Variants in DLC1 observed in about 807,000 individuals in gnomAD.
DLC1 encodes rho GTPase-activating protein 7.
DLC1 carries 54 observed loss-of-function variants against 140.3 expected under a neutral mutation model. The ratio of observed to expected loss-of-function variants is 0.38; its 90% CI spans 0.31 to 0.48. The LOEUF is 0.48. Among genes scored for constraint, DLC1 ranks in the 20% least tolerant of loss-of-function variants. The probability of loss-of-function intolerance (pLI) is 0.96; values close to 1 mark genes in which losing one functional copy is unlikely to be tolerated. For missense variants in DLC1, 2,536 were observed against 1,907.0 expected (o/e 1.33, Z -6.14); for synonymous variants, 986 against 728.1 (o/e 1.35, Z -5.70).
intron 5 of DLC1, chr8:13,276,324 C>G: frequency 1.3e-6 from 2 of 1,532,864 alleles, no homozygotes; most frequent in South Asian, 2.4e-5. Context: ...CGTGGAGTCC[C>G]TGATGTGATC....
At chr8:13,539,088 T>C (rs1397572227) in intron 1 of DLC1, among the ~76,000 whole-genome samples, 1 of 152,232 alleles carries the variant, frequency 6.6e-6, no homozygotes, top group Non-Finnish European at 1.5e-5. Flanking sequence ...TAATTTCACA[T>C]TCTCCTATCA....
At chr8:13,348,251 T>C (rs1314773091) in intron 4 of DLC1, among the ~76,000 whole-genome samples, 2 of 152,056 alleles carry the variant, frequency 1.3e-5, no homozygotes, top group Non-Finnish European at 2.9e-5. Context: ...GTAATATGTG[T>C]GTGGTTGAAG....
Position 13,116,116 on chromosome 8 carries a change from C to A in DLC1, c.1349-459G>T, listed in dbSNP as rs1012881896. On this transcript the variant is annotated intron_variant, in intron 5 of 17. Coordinates refer to ENST00000276297, the MANE Select transcript of DLC1 (RefSeq NM_182643.3). ...GTAAAGTCACAGGCTTTCTGACACC[C>A]AGGGGTTGGGTGTTTCAAAAGCCCC... 1.4e-5 allele frequency: 14 copies of A among 982,974 alleles called. No individual in the cohort carries two copies. The African/African-American group carries it at 2.1e-4, about 15-fold the overall frequency. 60.9% of individuals were successfully genotyped at this position (982,974 alleles called of 1,614,324 possible).
At position 13,595,055 on chromosome 8, in the gene DLC1, G is replaced by A. The variant is rs190991701; in HGVS notation, c.-126+9482C>T. Among the ~76,000 whole-genome samples the A allele has an allele frequency of 1.1e-4, 17 of 151,724 alleles. No homozygotes were observed. The South Asian group carries it at 1.7e-3, about 15-fold the overall frequency. ...AGTGGACTAGCCTGGATCACACACC[G>A]CAGTTTTCTCTTCAGATCGCCAGAG... On this transcript the variant is annotated intron_variant, in intron 1 of 1. Transcript: ENST00000631382.
chr8:13,552,012 T>C (rs1049129260), intron 1 of DLC1, among the ~76,000 whole-genome samples: 1 of 142,972 alleles, frequency 7.0e-6, no homozygotes, highest in Non-Finnish European at 1.5e-5. Context: ...TGCATATATA[T>C]GTGTGTGTAT....
chr8:13,257,420 G>C (rs1323446519), intron 5 of DLC1, among the ~76,000 whole-genome samples: 2 of 129,334 alleles, frequency 1.5e-5, no homozygotes, highest in Non-Finnish European at 3.1e-5. Flanking sequence ...CTGGGTGACA[G>C]AGCAATACCC....
intron 5 of DLC1, among the ~76,000 whole-genome samples, chr8:13,210,138 T>C (rs1827869343): frequency 6.6e-6 from 1 of 152,256 alleles, no homozygotes; most frequent in Middle Eastern, 3.4e-3. Context: ...ATAGAAAAAA[T>C]TGGAAACTTG....
At chr8:13,265,657 T>TA (rs1830655478) in intron 5 of DLC1, among the ~76,000 whole-genome samples, 1 of 151,608 alleles carries the variant, frequency 6.6e-6, no homozygotes, top group Non-Finnish European at 1.5e-5. Flanking sequence ...AGGCTGTGGG[T>TA]TTTTTTTCCT....
At chr8:13,157,471 A>G (rs201178727) in intron 5 of DLC1, among the ~76,000 whole-genome samples, 3 of 152,112 alleles carry the variant, frequency 2.0e-5, no homozygotes, top group Admixed American at 6.5e-5. Context: ...GAACAAAAAA[A>G]GGCAGTGATT....
chr8:13,169,553 A>C (rs1198013655), intron 5 of DLC1, among the ~76,000 whole-genome samples: 1 of 152,168 alleles, frequency 6.6e-6, no homozygotes, highest in Non-Finnish European at 1.5e-5. Context: ...GGGGGTACTT[A>C]GGTTTCAGTT....
chr8:13,588,068 G>C (rs1805391246), intron 1 of DLC1, among the ~76,000 whole-genome samples: 3 of 152,070 alleles, frequency 2.0e-5, no homozygotes, highest in African/African-American at 4.8e-5. Context: ...GGTTTTAAAA[G>C]TCAGACAGTC....
At chr8:13,526,689 G>C (rs1033992102) in intron 1 of DLC1, among the ~76,000 whole-genome samples, 4 of 151,832 alleles carry the variant, frequency 2.6e-5, no homozygotes, top group African/African-American at 4.8e-5. Context: ...GCCAAACACC[G>C]CATGTTCTCA....
At chr8:13,386,309 G>T (rs889742940) in intron 4 of DLC1, among the ~76,000 whole-genome samples, 1 of 151,804 alleles carries the variant, frequency 6.6e-6, no homozygotes, top group African/African-American at 2.4e-5. Flanking sequence ...TATGAATTCT[G>T]CTCCAGATAC....
intron 5 of DLC1, among the ~76,000 whole-genome samples, chr8:13,271,019 C>A (rs532589889): frequency 2.0e-5 from 3 of 152,314 alleles, no homozygotes; most frequent in Non-Finnish European, 4.4e-5. Context: ...CAGCCACAGG[C>A]AGCCTGAGGT....
chr8:13,386,058 T>A (rs1836507657), intron 4 of DLC1, among the ~76,000 whole-genome samples: 1 of 152,192 alleles, frequency 6.6e-6, no homozygotes, highest in Admixed American at 6.5e-5. Context: ...TGCCCAGAAG[T>A]AACTGGCAGT....
intron 1 of DLC1, among the ~76,000 whole-genome samples, chr8:13,579,587 A>C: frequency 7.6e-6 from 1 of 132,004 alleles, no homozygotes; most frequent in Non-Finnish European, 1.6e-5. Context: ...ATTATATTTT[A>C]TATTATATAT....
intron 2 of DLC1, among the ~76,000 whole-genome samples, chr8:13,475,651 A>G (rs1355081426): frequency 1.3e-5 from 2 of 152,230 alleles, no homozygotes; most frequent in African/African-American, 4.8e-5. Flanking sequence ...GAGATTCCTC[A>G]GTGTATTCCA....
At chr8:13,273,747 G>T (rs1040110089) in intron 5 of DLC1, among the ~76,000 whole-genome samples, 2 of 146,532 alleles carry the variant, frequency 1.4e-5, no homozygotes, top group African/African-American at 5.1e-5. Context: ...AAGGGGGGAG[G>T]GAGGGAGACA....
rs143610774 is a variant in DLC1, at chr8:13,140,992, C to T, written c.1349-25335G>A. ...TGCTGTGGCTGGGTGCGGTGGCTCA[C>T]GCCTGTAATCCCAGCACTTTGGGAG... is the stretch of plus-strand genomic sequence containing the variant. On this transcript the variant is annotated intron_variant, in intron 5 of 17. Coordinates refer to ENST00000276297, the MANE Select transcript of DLC1 (RefSeq NM_182643.3). Among the ~76,000 whole-genome samples the T allele has an allele frequency of 9.7e-3, 1,472 of 152,176 alleles. 19 individuals carry two copies. The highest frequency in any genetic ancestry group is 0.033 in the African/African-American group (1,353 of 41,522).
Sources: allele counts gnomAD v4.1 joint callset (sites outside exome capture counted in the v4.1 genomes callset), GRCh38; gene constraint gnomAD v4.1.1; transcripts MANE v1.5; gene names NCBI Gene and HGNC (gene_info 2026-07-23, HGNC 2026-07-21).